The following CALN1 variants were observed in gnomAD, a reference collection of about 807,000 sequenced individuals.
The protein encoded by CALN1 is calneuron 1, also known as calcium-binding protein 8.
In CALN1, 17 loss-of-function variants were observed where a neutral mutation model predicts 30.6. The observed-to-expected ratio is 0.56, with a 90% CI of 0.38 to 0.83. CALN1 has a LOEUF of 0.83. Ranked by LOEUF, CALN1 falls within the 40% of genes least tolerant of loss-of-function variation. The probability of loss-of-function intolerance (pLI) is 0.00; values close to 1 mark genes in which losing one functional copy is unlikely to be tolerated. For synonymous variants in CALN1, 156 were observed against 131.4 expected (o/e 1.19, Z -1.28); for missense variants, 291 against 354.9 (o/e 0.82, Z 1.45).
intron 2 of CALN1, among the ~76,000 whole-genome samples, chr7:72,360,062 A>T (rs1481398474): frequency 6.6e-6 from 1 of 152,080 alleles, no homozygotes; most frequent in African/African-American, 2.4e-5. Context: ...AGAAATTCTT[A>T]CAGCTTAAAG....
intron 2 of CALN1, among the ~76,000 whole-genome samples, chr7:72,377,138 TCTC>T (rs1419277969): frequency 1.3e-5 from 2 of 152,218 alleles, no homozygotes; most frequent in African/African-American, 4.8e-5. Context: ...CCAACGTTTT[TCTC>T]CTTTTTCAGA....
In CALN1 at chr7:71,978,566, C is replaced by T. The variant is rs114960363; in HGVS notation, c.501+45091G>A. On this transcript the variant is annotated intron_variant, in intron 5 of 6. Coordinates refer to ENST00000395275, the MANE Select transcript of CALN1 (RefSeq NM_031468.4). ...TGGGATTACAGGCATGAATTCTTTA[C>T]GGTGCTGGCCGAAGAACAGTAGCAG... Among the ~76,000 whole-genome samples, 1,036 of 152,250 alleles carry T rather than the reference C, an allele frequency of 6.8e-3. 8 individuals carry two copies. The highest frequency in any genetic ancestry group is 0.023 in the African/African-American group (963 of 41,554).
At chr7:72,231,021 C>A (rs539496054) in intron 3 of CALN1, among the ~76,000 whole-genome samples, 1 of 152,248 alleles carries the variant, frequency 6.6e-6, no homozygotes, top group South Asian at 2.1e-4. Flanking sequence ...GGGCATGAAT[C>A]GTGCCTTTGT....
At chr7:71,904,272 A>T (rs1282923302) in intron 5 of CALN1, among the ~76,000 whole-genome samples, 1 of 152,234 alleles carries the variant, frequency 6.6e-6, no homozygotes, top group African/African-American at 2.4e-5. Context: ...AGCAGTATTC[A>T]CAATTGCCAA....
intron 3 of CALN1, among the ~76,000 whole-genome samples, chr7:72,256,599 C>T (rs1447213600): frequency 1.1e-5 from 1 of 89,664 alleles, no homozygotes; most frequent in Non-Finnish European, 2.0e-5. Context: ...TTTGTTCAAT[C>T]AATTATTTTT....
At chr7:72,494,095 G>A in the CALN1 span, among the ~76,000 whole-genome samples, 8 of 148,464 alleles carry the variant, frequency 5.4e-5, no homozygotes, top group Admixed American at 1.3e-4. Context: ...GGAGGCTGAT[G>A]CAGGAGAATC....
chr7:72,228,564 G>C (rs1271763502), intron 3 of CALN1, among the ~76,000 whole-genome samples: 1 of 151,612 alleles, frequency 6.6e-6, no homozygotes, highest in Non-Finnish European at 1.5e-5. Context: ...TTGGTGCATG[G>C]CTGTGGGCAA....
chr7:72,030,877 C>T (rs1235160704), intron 4 of CALN1, among the ~76,000 whole-genome samples: 1 of 151,898 alleles, frequency 6.6e-6, no homozygotes, highest in East Asian at 1.9e-4. Context: ...TTCTGGAGTA[C>T]CTGGAACTAC....
intron 5 of CALN1, among the ~76,000 whole-genome samples, chr7:71,992,887 T>C (rs1402330959): frequency 6.6e-6 from 1 of 152,200 alleles, no homozygotes; most frequent in African/African-American, 2.4e-5. Context: ...CTTTTCCTAT[T>C]TTCTCAGCTT....
intron 5 of CALN1, among the ~76,000 whole-genome samples, chr7:71,980,655 C>A (rs780383644): frequency 6.6e-6 from 1 of 152,180 alleles, no homozygotes; most frequent in Non-Finnish European, 1.5e-5. Context: ...ACCACTTCCA[C>A]GCCCTCTGCA....
At chr7:71,881,380 G>T (rs559914847) in intron 5 of CALN1, among the ~76,000 whole-genome samples, 1 of 152,132 alleles carries the variant, frequency 6.6e-6, no homozygotes, top group South Asian at 2.1e-4. Flanking sequence ...TATTAGTTCT[G>T]TCCGTCTAGA....
chr7:71,889,689 T>A (rs138276569), intron 5 of CALN1, among the ~76,000 whole-genome samples: 2,342 of 152,294 alleles, frequency 0.015, 31 homozygotes, highest in Non-Finnish European at 0.024. Flanking sequence ...GCACGGTGGC[T>A]CAAGCCTGTA....
intron 4 of CALN1, among the ~76,000 whole-genome samples, chr7:72,078,863 G>A (rs1386323207): frequency 6.6e-6 from 1 of 152,176 alleles, no homozygotes; most frequent in Non-Finnish European, 1.5e-5. Flanking sequence ...CTGAACCTGG[G>A]AGATGGAGGT....
intron 2 of CALN1, among the ~76,000 whole-genome samples, chr7:72,377,304 T>C (rs991648669): frequency 6.6e-6 from 1 of 152,156 alleles, no homozygotes; most frequent in African/African-American, 2.4e-5. Context: ...AGATATATTT[T>C]CCTTCAGCTT....
chr7:71,818,318 C>A (rs999862241), intron 5 of CALN1, among the ~76,000 whole-genome samples: 1 of 151,954 alleles, frequency 6.6e-6, no homozygotes, highest in South Asian at 2.1e-4. Flanking sequence ...GAAGAGGAGA[C>A]GGTCAGGTAG....
intron 1 of CALN1, among the ~76,000 whole-genome samples, chr7:72,437,455 G>A (rs4029797): frequency 0.33 from 49,984 of 151,824 alleles, 9,088 homozygotes; most frequent in Middle Eastern, 0.47. Context: ...CAAAACAAAA[G>A]AGAACAATGG....
chr7:72,121,451 G>T (rs1808387116), intron 3 of CALN1, among the ~76,000 whole-genome samples: 2 of 145,972 alleles, frequency 1.4e-5, no homozygotes. Context: ...ATTATATATA[G>T]TATAGATATA....
chr7:72,214,625 G>A (rs969320873), intron 3 of CALN1, among the ~76,000 whole-genome samples: 1 of 150,834 alleles, frequency 6.6e-6, no homozygotes, highest in Non-Finnish European at 1.5e-5. Flanking sequence ...CTCAAGAAAA[G>A]AAAAAAAAAT....
intron 4 of CALN1, among the ~76,000 whole-genome samples, chr7:72,074,268 G>A (rs1481638774): frequency 1.3e-5 from 2 of 152,114 alleles, no homozygotes; most frequent in African/African-American, 2.4e-5. Context: ...ACCCATGAAC[G>A]AAAATGTTTC....
Sources: gnomAD v4.1 joint callset for allele counts (sites outside exome capture counted in the v4.1 genomes callset) on GRCh38, gnomAD v4.1.1 for gene constraint, MANE v1.5 for transcripts, NCBI Gene and HGNC (gene_info 2026-07-23, HGNC 2026-07-21) for gene names.